DDX60L: variants seen among roughly 807,000 people sequenced by gnomAD.
DDX60L encodes the protein probable ATP-dependent RNA helicase DDX60-like.
In DDX60L, 191 loss-of-function variants were observed where a neutral mutation model predicts 211.6. That is an observed-to-expected ratio of 0.90 (90% CI 0.80 to 1.02). The LOEUF is 1.02. Among genes scored for constraint, DDX60L ranks in the 50% least tolerant of loss-of-function variants. The pLI is 0.00. For synonymous variants in DDX60L, 706 were observed against 694.1 expected (o/e 1.02, Z -0.27); for missense variants, 2,007 against 1,984.1 (o/e 1.01, Z -0.22).
intron 10 of DDX60L, among the ~76,000 whole-genome samples, chr4:168,437,593 T>C (rs988354371): frequency 3.3e-5 from 5 of 152,152 alleles, no homozygotes; most frequent in Admixed American, 6.5e-5. Flanking sequence ...CACTATACTC[T>C]CCTCCCTCTT....
intron 5 of DDX60L, 49 bp downstream of exon 5, chr4:168,461,650 G>A: frequency 7.7e-7 from 1 of 1,292,156 alleles, no homozygotes; most frequent in Non-Finnish European, 1.0e-6. Context: ...GTGATTTTGA[G>A]AATTAAAACA....
At chr4:168,371,504 T>A (rs1741008364) in intron 36 of DDX60L, 108 bp downstream of exon 36, 2 of 403,614 alleles carry the variant, frequency 5.0e-6, no homozygotes, top group Non-Finnish European at 8.1e-6. Flanking sequence ...TTTATATAAC[T>A]ATATAATGTA....
rs62334117 is a variant in DDX60L, at chr4:168,403,973, G to A, written c.3338+9C>T. ...ATAAACAAAGATAAATTAAGTTTCA[G>A]TTACTTACAAAAAAAATATTGCAGG... On this transcript the variant is annotated intron_variant, in intron 25 of 37. Transcript: ENST00000682922. 176,317 of 1,428,436 alleles carry A rather than the reference G, an allele frequency of 0.12. 12,392 individuals carry two copies. Among genetic ancestry groups the A allele is most frequent in the Admixed American group, 0.18 (7,249 of 41,094 alleles). 88.5% of individuals were successfully genotyped at this position (1,428,436 alleles called of 1,614,324 possible).
chr4:168,365,300 A>G (rs1049530996), intron 36 of DDX60L, among the ~76,000 whole-genome samples: 2 of 152,158 alleles, frequency 1.3e-5, no homozygotes, highest in African/African-American at 4.8e-5. Context: ...AAAAGAGGGA[A>G]GACTAAAATA....
At position 168,408,338 on chromosome 4, in the gene DDX60L, C is replaced by T. The variant is rs114410309; in HGVS notation, c.2980-1632G>A. On this transcript the variant is annotated intron_variant, in intron 22 of 37. Coordinates refer to ENST00000682922, the MANE Select transcript of DDX60L (RefSeq NM_001012967.3). ...TGTATACAATATGCTGTTAAAATGC[C>T]TGACTCTTTTTGAGTATCCCATCCA... 4.3e-3 allele frequency among the ~76,000 whole-genome samples: 660 copies of T among 152,178 alleles called. 5 individuals carry two copies. Among genetic ancestry groups the T allele is most frequent in the African/African-American group, 0.015 (629 of 41,520 alleles).
chr4:168,449,561 C>T (rs1755360157), intron 8 of DDX60L, among the ~76,000 whole-genome samples: 2 of 109,992 alleles, frequency 1.8e-5, no homozygotes, highest in Middle Eastern at 4.7e-3. Context: ...CACATGTATA[C>T]ATATGTAACT....
intron 2 of DDX60L, 81 bp downstream of exon 2, chr4:168,472,615 T>C: frequency 6.3e-7 from 1 of 1,586,824 alleles, no homozygotes; most frequent in Non-Finnish European, 8.6e-7. Flanking sequence ...AGACATCCAA[T>C]TACTTTGTAA....
chr4:168,377,311 TAA>T (rs1742138300), intron 33 of DDX60L, among the ~76,000 whole-genome samples: 1 of 150,622 alleles, frequency 6.6e-6, no homozygotes, highest in Admixed American at 6.6e-5. Context: ...AATAAATAAA[TAA>T]ATAAATAAAT....
At chr4:168,426,442 A>G (rs535746147) in intron 14 of DDX60L, among the ~76,000 whole-genome samples, 1 of 152,342 alleles carries the variant, frequency 6.6e-6, no homozygotes, top group African/African-American at 2.4e-5. Flanking sequence ...GGAAATCTAC[A>G]CTTAGAAAAC....
intron 9 of DDX60L, among the ~76,000 whole-genome samples, chr4:168,446,945 C>CT (rs2150029426): frequency 8.6e-6 from 1 of 116,024 alleles, no homozygotes; most frequent in East Asian, 2.4e-4. Context: ...AAAACCTAGG[C>CT]ATTACCATTC....
Position 168,469,476 on chromosome 4 carries a change from GAGAT to G in DDX60L, c.264+2267_264+2270del, listed in dbSNP as rs1409709731. ...TATAGGAAAATATCTTTGTGACTAA[GAGAT>G]AGGCAATGATTCTTATCAGGATACA... is the stretch of plus-strand genomic sequence containing the variant. On this transcript the variant is annotated intron_variant, in intron 4 of 37. Coordinates refer to ENST00000682922, the MANE Select transcript of DDX60L (RefSeq NM_001012967.3). 4 of 152,230 alleles carry G rather than the reference GAGAT, an allele frequency of 2.6e-5. 1 individual carries two copies. Among genetic ancestry groups the G allele is most frequent in the Admixed American group, 2.6e-4 (4 of 15,288 alleles). 9.4% of individuals were successfully genotyped at this position (152,230 alleles called of 1,614,324 possible). A position where few individuals can be genotyped will look rare whatever the true frequency, so the allele number is the denominator to read the frequency against.
At chr4:168,397,904 T>TGCA (rs764531500) in intron 26 of DDX60L, among the ~76,000 whole-genome samples, 2 of 152,098 alleles carry the variant, frequency 1.3e-5, no homozygotes, top group Non-Finnish European at 2.9e-5. Flanking sequence ...AAGCTGCAGC[T>TGCA]GCAGCTGCAG....
At chr4:168,432,242 T>TAG (rs1554011263) in intron 12 of DDX60L, among the ~76,000 whole-genome samples, 2 of 147,880 alleles carry the variant, frequency 1.4e-5, no homozygotes, top group Non-Finnish European at 3.0e-5. Flanking sequence ...TATATATATA[T>TAG]TGTGTGTGTG....
intron 13 of DDX60L, 32 bp downstream of exon 13, chr4:168,430,446 G>GA: frequency 6.5e-7 from 1 of 1,536,318 alleles, no homozygotes; most frequent in Middle Eastern, 1.7e-4. Flanking sequence ...CAACATCAAA[G>GA]AAAAAAATTA....
In DDX60L at chr4:168,378,472, G is replaced by C; in HGVS notation, c.4367C>G (p.Ser1456Ter). ...HNLCKPAWKG[S>*]QQFSQDVMEK... ...CATCACATCTTGGGAAAATTGTTGT[G>C]AGCCTATTGAAATAAAGAGCATTAT... The change falls in exon 33 of 38, where the codon TCA (serine) becomes TGA (stop). Residue 1456 changes from serine (S) to a stop codon, truncating the protein, a stop_gained. Coordinates refer to ENST00000682922, the MANE Select transcript of DDX60L (RefSeq NM_001012967.3). LOFTEE classifies it high-confidence loss of function. The C allele has an allele frequency of 1.9e-6, 3 of 1,557,444 alleles. 1 individual carries two copies. The highest frequency in any genetic ancestry group is 2.6e-6 in the Non-Finnish European group (3 of 1,149,990).
intron 22 of DDX60L, among the ~76,000 whole-genome samples, chr4:168,411,856 G>T (rs538456620): frequency 1.4e-4 from 21 of 152,136 alleles, no homozygotes; most frequent in Admixed American, 5.9e-4. Flanking sequence ...TTGCTGAGAG[G>T]AGAGGGAAGA....
At chr4:168,430,418 A>C in intron 13 of DDX60L, 60 bp downstream of exon 13, 2 of 1,423,882 alleles carry the variant, frequency 1.4e-6, no homozygotes, top group Non-Finnish European at 1.9e-6. Context: ...GACAAATATG[A>C]GCCTAAAGAA....
chr4:168,449,615 T>TA (rs57453358), intron 8 of DDX60L, among the ~76,000 whole-genome samples: 12 of 17,730 alleles, frequency 6.8e-4, no homozygotes, highest in South Asian at 1.7e-3. Flanking sequence ...TAGAGTATAA[T>TA]AAAAAAAAAA....
chr4:168,456,137 A>G lies in DDX60L; in HGVS notation c.739T>C (p.Phe247Leu). ...TCTGACCATAGGTGCTGAAGCAGAA[A>G]TAGAGTCTGATACGCCTATCAAAAA... ...DMMEEAYQTL[F>L]LLQHLWSEGS... Residue 247 changes from phenylalanine to leucine, a missense_variant, in exon 7 of 38, where the codon TTT becomes CTT. Transcript: ENST00000682922. 1 of 1,576,088 alleles carries G rather than the reference A, an allele frequency of 6.3e-7. No homozygotes were observed. The highest frequency in any genetic ancestry group is 1.4e-5 in the African/African-American group (1 of 72,946).
Sources: allele counts gnomAD v4.1 joint callset (sites outside exome capture counted in the v4.1 genomes callset), GRCh38; gene constraint gnomAD v4.1.1; transcripts MANE v1.5; gene names NCBI Gene and HGNC (gene_info 2026-07-23, HGNC 2026-07-21).